Variants in SMAD5 observed in about 807,000 individuals in gnomAD.
The protein encoded by SMAD5 is MAD, mothers against decapentaplegic homolog 5.
Under a neutral mutation model 43.1 loss-of-function variants are expected in SMAD5, and 9 were observed. The observed-to-expected ratio is 0.21, with a 90% CI of 0.13 to 0.36. The LOEUF (loss-of-function observed/expected upper bound fraction) is 0.36. Ranked by LOEUF, SMAD5 falls within the 10% of genes least tolerant of loss-of-function variation. The pLI, the probability that SMAD5 is intolerant of heterozygous loss-of-function variation, is 1.00. For synonymous variants in SMAD5, 190 were observed against 192.4 expected (o/e 0.99, Z 0.10); for missense variants, 348 against 574.0 (o/e 0.61, Z 4.02).
At chr5:136,143,910 A>T (rs569985069) in intron 1 of SMAD5, among the ~76,000 whole-genome samples, 1 of 152,116 alleles carries the variant, frequency 6.6e-6, no homozygotes, top group African/African-American at 2.4e-5. Flanking sequence ...TTAATCAGTC[A>T]TATTCACCAG....
At chr5:136,160,734 TA>T in intron 3 of SMAD5, 121 bp from the exon 4 acceptor site, 1 of 951,294 alleles carries the variant, frequency 1.1e-6, no homozygotes, top group East Asian at 2.5e-5. Flanking sequence ...CAGCCCTTTC[TA>T]AAAGTAAATT....
intron 4 of SMAD5, 104 bp from the exon 5 acceptor site, chr5:136,163,168 T>G: frequency 1.1e-6 from 1 of 931,396 alleles, no homozygotes; most frequent in South Asian, 2.0e-5. Context: ...GTGTGTGATG[T>G]TCAGTAATGA....
chr5:136,143,566 A>T (rs530238084), intron 1 of SMAD5, among the ~76,000 whole-genome samples: 173 of 151,830 alleles, frequency 1.1e-3, no homozygotes, highest in African/African-American at 3.8e-3. Flanking sequence ...AGACTAGCTG[A>T]TTGTCACCTC....
rs1754512107 is a variant in SMAD5 at position 136,178,639 on chromosome 5, A to G, written c.*1159A>G. ...CTCTTACAAGTGTCAGCTTACTTGT[A>G]TCAGCCTCCCTACGCAAGGACCTAT... On this transcript the variant is annotated 3_prime_UTR_variant, in exon 8 of 8. Transcript: ENST00000545279. The G allele has an allele frequency of 6.6e-6, 1 of 152,204 alleles. No individual in the cohort carries two copies. The highest frequency in any genetic ancestry group is 2.1e-4 in the South Asian group (1 of 4,826). 9.4% of individuals were successfully genotyped at this position (152,204 alleles called of 1,614,324 possible).
At chr5:136,161,170 C>CT in intron 4 of SMAD5, 63 bp downstream of exon 4, 2 of 1,487,960 alleles carry the variant, frequency 1.3e-6, no homozygotes, top group Non-Finnish European at 1.8e-6. Context: ...GTTGTTCTTA[C>CT]TGTGGGCCCT....
At chr5:136,141,157 G>C (rs1323725821) in intron 1 of SMAD5, among the ~76,000 whole-genome samples, 2 of 152,118 alleles carry the variant, frequency 1.3e-5, no homozygotes, top group Non-Finnish European at 2.9e-5. Flanking sequence ...CAGGGATTAA[G>C]AAAAGTGGTA....
chr5:136,136,514 T>G (rs1287954138), intron 1 of SMAD5, among the ~76,000 whole-genome samples: 1 of 152,230 alleles, frequency 6.6e-6, no homozygotes, highest in Non-Finnish European at 1.5e-5. Flanking sequence ...AGTCTGAATC[T>G]GAGAAGTTTG....
intron 6 of SMAD5, among the ~76,000 whole-genome samples, chr5:136,173,281 C>G (rs971007718): frequency 1.3e-5 from 2 of 152,140 alleles, no homozygotes; most frequent in Non-Finnish European, 2.9e-5. Context: ...ATGTCAAAGT[C>G]TCATGCATCA....
At chr5:136,157,356 A>C (rs980847838) in intron 3 of SMAD5, among the ~76,000 whole-genome samples, 1 of 152,192 alleles carries the variant, frequency 6.6e-6, no homozygotes, top group South Asian at 2.1e-4. Context: ...GCTTTTTGGC[A>C]CCAGGGTCTA....
At chr5:136,150,151 G>T (rs1260096876) in intron 2 of SMAD5, among the ~76,000 whole-genome samples, 1 of 151,342 alleles carries the variant, frequency 6.6e-6, no homozygotes, top group Non-Finnish European at 1.5e-5. Flanking sequence ...TCACTCTGTT[G>T]CAAACTTTTT....
chr5:136,161,504 C>T (rs1185892524), intron 4 of SMAD5, among the ~76,000 whole-genome samples: 2 of 152,076 alleles, frequency 1.3e-5, no homozygotes, highest in Admixed American at 1.3e-4. Context: ...AGTACCTTAC[C>T]TAGGGTAGGG....
At chr5:136,152,755 A>G (rs1349758425) in intron 2 of SMAD5, 1 of 152,426 alleles carries the variant, frequency 6.6e-6, no homozygotes, top group Non-Finnish European at 1.5e-5. Flanking sequence ...AACTGGGATT[A>G]CAGGTGTGTG....
intron 1 of SMAD5, among the ~76,000 whole-genome samples, chr5:136,146,642 C>G (rs1365815295): frequency 6.6e-6 from 1 of 151,538 alleles, no homozygotes; most frequent in African/African-American, 2.4e-5. Flanking sequence ...TTGCTGTAAC[C>G]CAAGCTCTCT....
chr5:136,160,375 G>A (rs557350755), intron 3 of SMAD5, among the ~76,000 whole-genome samples: 13 of 152,000 alleles, frequency 8.6e-5, no homozygotes, highest in Non-Finnish European at 1.8e-4. Context: ...TGTTCAGTGC[G>A]TAGGCCAACT....
Position 136,144,066 on chromosome 5 carries a change from C to G in SMAD5, c.-244-3766C>G, listed in dbSNP as rs558616031. ...CAGATAATGGGTTCATTATCTGAGT[C>G]TGAAAGTGTTTGATCACTCAGATTT... On this transcript the variant is annotated intron_variant, in intron 1 of 7. Transcript: ENST00000545279. Among the ~76,000 whole-genome samples the G allele has an allele frequency of 5.9e-5, 9 of 152,114 alleles. No individual in the cohort carries two copies. The East Asian group carries it at 1.5e-3, about 26-fold the overall frequency.
At chr5:136,174,256 G>A in intron 6 of SMAD5, 120 bp from the exon 7 acceptor site, 1 of 860,000 alleles carries the variant, frequency 1.2e-6, no homozygotes, top group East Asian at 2.6e-5. Flanking sequence ...GGTAACTTCT[G>A]TCTAAAGACT....
intron 1 of SMAD5, among the ~76,000 whole-genome samples, chr5:136,136,074 T>C (rs879390498): frequency 3.3e-5 from 5 of 149,708 alleles, no homozygotes; most frequent in Non-Finnish European, 6.0e-5. Context: ...CTGGATATTC[T>C]AGAGAAAAGA....
intron 2 of SMAD5, among the ~76,000 whole-genome samples, chr5:136,151,696 A>G (rs762236205): frequency 9.9e-5 from 15 of 151,952 alleles, no homozygotes; most frequent in Non-Finnish European, 1.3e-4. Context: ...ACATACGTAC[A>G]CTACCCTATC....
intron 2 of SMAD5, among the ~76,000 whole-genome samples, chr5:136,148,688 A>G (rs1222929122): frequency 6.6e-6 from 1 of 151,754 alleles, no homozygotes; most frequent in Non-Finnish European, 1.5e-5. Context: ...GAAGACAGTA[A>G]CAGACTAACT....
Sources: allele counts gnomAD v4.1 joint callset (sites outside exome capture counted in the v4.1 genomes callset), GRCh38; gene constraint gnomAD v4.1.1; transcripts MANE v1.5; gene names NCBI Gene and HGNC (gene_info 2026-07-23, HGNC 2026-07-21).